The following PLXNA2 variants were observed in gnomAD, a reference collection of about 807,000 sequenced individuals.
PLXNA2 encodes the protein plexin-A2.
PLXNA2 carries 91 observed loss-of-function variants against 193.5 expected under a neutral mutation model. That is an observed-to-expected ratio of 0.47 (90% confidence interval 0.40 to 0.56). The LOEUF is 0.56. Ranked by LOEUF, PLXNA2 falls within the 20% of genes least tolerant of loss-of-function variation. The pLI is 0.00. For missense variants in PLXNA2, 1,995 were observed against 2,503.2 expected, an observed-to-expected ratio of 0.80 and a Z score of 4.33; for synonymous variants, 997 against 1,027.3, an observed-to-expected ratio of 0.97 and a Z score of 0.56.
In PLXNA2 at chr1:208,046,096, T is replaced by C. The variant is rs780038474; in HGVS notation, c.3277A>G (p.Thr1093Ala). The C allele has an allele frequency of 1.9e-6, 3 of 1,614,096 alleles. No individual in the cohort carries two copies. Among genetic ancestry groups the C allele is most frequent in the South Asian group, 1.1e-5 (1 of 91,066 alleles). ...SVNVCKVVNT[T>A]TLTCLAPSLT... Reference sequence around the variant, plus strand: ...GAGGGTGCCAGGCAGGTGAGGGTGGTTGTGTTCACAACTTTACACACCTAA... The same window carrying C: ...GAGGGTGCCAGGCAGGTGAGGGTGGCTGTGTTCACAACTTTACACACCTAA... The change falls in exon 18 of 32, where the codon ACC becomes GCC. Residue 1093 changes from threonine to alanine, a missense_variant. Coordinates refer to ENST00000367033, the MANE Select transcript of PLXNA2 (RefSeq NM_025179.4).
chr1:208,030,866 G>A (rs1664481431), intron 29 of PLXNA2: 1 of 985,286 alleles, frequency 1.0e-6, no homozygotes, highest in African/African-American at 1.7e-5. Flanking sequence ...CCTTAGCTTG[G>A]TCTGTGGTCC....
Position 208,046,640 on chromosome 1 carries a change from G to T in PLXNA2, c.3256-523C>A, listed in dbSNP as rs1007443930. Among the ~76,000 whole-genome samples, 157 of 150,692 alleles carry T rather than the reference G, an allele frequency of 1.0e-3. 2 individuals carry two copies. Among genetic ancestry groups the T allele is most frequent in the Non-Finnish European group, 1.5e-4 (10 of 67,774 alleles). On this transcript the variant is annotated intron_variant, in intron 17 of 31. Transcript: ENST00000367033. ...GACTCATGGAAGTTTTCCCATGGAA[G>T]AAATGAATGAAATTTAATCTGAAGA...
intron 13 of PLXNA2, among the ~76,000 whole-genome samples, chr1:208,060,002 C>A (rs1316141537): frequency 6.6e-6 from 1 of 152,130 alleles, no homozygotes; most frequent in Non-Finnish European, 1.5e-5. Flanking sequence ...AATGGTTTGA[C>A]CCAACTTCCC....
At chr1:208,046,614 T>C (rs1011974802) in intron 17 of PLXNA2, among the ~76,000 whole-genome samples, 12 of 139,936 alleles carry the variant, frequency 8.6e-5, no homozygotes, top group Non-Finnish European at 1.5e-4. Flanking sequence ...AGGGTAGGAG[T>C]GACTCATGGA....
Position 208,043,157 on chromosome 1 carries a change from C to T in PLXNA2, c.3921G>A (p.Leu1307=), listed in dbSNP as rs1454474368. 1 of 1,614,162 alleles carries T rather than the reference C, an allele frequency of 6.2e-7. No individual in the cohort carries two copies. Among genetic ancestry groups the T allele is most frequent in the Non-Finnish European group, 8.5e-7 (1 of 1,180,020 alleles). Residue 1307 remains leucine (L), a synonymous_variant, in exon 21 of 32, where the codon CTG becomes CTA. Coordinates refer to ENST00000367033, the MANE Select transcript of PLXNA2 (RefSeq NM_025179.4). The stretch of plus-strand genomic sequence containing the variant: ...CCAGGTAAGGGATTCCTGAGCGGTC[C>T]AGGTCACTGGTCAACTCATTGATAT... ...QTDINELTSD[L]DRSGIPYLDY...
intron 4 of PLXNA2, 58 bp from the exon 5 acceptor site, chr1:208,103,305 G>C: frequency 7.7e-7 from 1 of 1,306,828 alleles, no homozygotes; most frequent in Non-Finnish European, 1.1e-6. Context: ...TAGCAGGTGT[G>C]TGTCACACAG....
intron 17 of PLXNA2, 53 bp downstream of exon 17, chr1:208,050,956 A>G: frequency 1.5e-6 from 2 of 1,338,300 alleles, no homozygotes; most frequent in Admixed American, 1.7e-5. Flanking sequence ...ATTGCAAAAC[A>G]TCAACACAGA....
rs150598663 is a variant in PLXNA2 at position 208,119,539 on chromosome 1, C to A, written c.1507-16292G>T. 2.0e-5 allele frequency among the ~76,000 whole-genome samples: 3 copies of A among 152,336 alleles called. No homozygotes were observed. The East Asian group carries it at 5.8e-4, about 29-fold the overall frequency. ...TAGGGCCACTTCTTCCTCTTCCTGT[C>A]CAGCACTTTATGTCATCACAGAAAG... On this transcript the variant is annotated intron_variant, in intron 4 of 31. Transcript: ENST00000367033.
At chr1:208,049,782 T>C (rs1665196141) in intron 17 of PLXNA2, among the ~76,000 whole-genome samples, 4 of 152,220 alleles carry the variant, frequency 2.6e-5, no homozygotes, top group Admixed American at 1.3e-4. Context: ...CTCTGTCATT[T>C]TGTGTATCTC....
intron 12 of PLXNA2, among the ~76,000 whole-genome samples, chr1:208,077,067 G>A (rs1235074518): frequency 6.6e-6 from 1 of 152,124 alleles, no homozygotes; most frequent in Non-Finnish European, 1.5e-5. Context: ...ATATTGAAAT[G>A]AAAATAATGA....
intron 4 of PLXNA2, among the ~76,000 whole-genome samples, chr1:208,113,546 CTT>C (rs397695261): frequency 8.5e-5 from 9 of 105,712 alleles, no homozygotes; most frequent in Admixed American, 1.2e-4. Flanking sequence ...CTCTCTCTCT[CTT>C]TTTTTTTTTT....
intron 1 of PLXNA2, among the ~76,000 whole-genome samples, chr1:208,237,281 T>A (rs72741264): frequency 0.036 from 5,461 of 152,264 alleles, 128 homozygotes; most frequent in Non-Finnish European, 0.053. Flanking sequence ...AAAATCCAAA[T>A]CTTCCCTCTC....
intron 1 of PLXNA2, among the ~76,000 whole-genome samples, chr1:208,234,301 T>G (rs1671783052): frequency 6.6e-6 from 1 of 152,152 alleles, no homozygotes; most frequent in South Asian, 2.1e-4. Flanking sequence ...ATTTCCCAAG[T>G]ATTCTACACC....
chr1:208,066,466 G>T (rs912892141), intron 12 of PLXNA2, among the ~76,000 whole-genome samples: 2 of 152,208 alleles, frequency 1.3e-5, no homozygotes, highest in African/African-American at 4.8e-5. Context: ...TACGACGATG[G>T]TTCTTTAAGA....
In PLXNA2 at chr1:208,051,368, G is replaced by A; in HGVS notation, c.3049C>T (p.Pro1017Ser). ...TCGACACTCACAGAAACAGGGACCG[G>A]GCCAAGGCCATTGGATGATGGGGGT... ...VSPPSSNGLG[P>S]VPVSVSVDRA... Residue 1017 changes from proline (P) to serine (S), a missense_variant, in exon 16 of 32, where the codon CCG becomes TCG. Pro to Ser is a moderately conservative substitution (Grantham distance 74). Around this residue, in one of 3 missense-constraint regions of PLXNA2, gnomAD observed 1,291 missense variants for 1,673.6 expected, o/e 0.77. Transcript: ENST00000367033. 6.2e-7 allele frequency: 1 copy of A among 1,612,880 alleles called. No homozygotes were observed. Among genetic ancestry groups the A allele is most frequent in the Non-Finnish European group, 8.5e-7 (1 of 1,179,728 alleles).
chr1:208,055,894 G>A (rs1177658605), intron 13 of PLXNA2, among the ~76,000 whole-genome samples: 1 of 152,032 alleles, frequency 6.6e-6, no homozygotes, highest in South Asian at 2.1e-4. Flanking sequence ...GTCTTATTAC[G>A]TTTTAGCATA....
rs1665014486 is a variant in PLXNA2, at chr1:208,045,099, G to A, written c.3607C>T (p.Pro1203Ser). 1 of 1,614,032 alleles carries A rather than the reference G, an allele frequency of 6.2e-7. No individual in the cohort carries two copies. The highest frequency in any genetic ancestry group is 1.7e-5 in the Admixed American group (1 of 60,006). ...TVSETQLLCE[P>S]PNLTGQHKVM... Reference sequence around the variant, plus strand: ...TTGTGCTGCCCGGTGAGGTTGGGAGGCTCGCAGAGAAGCTGGGTCTCAGAT... The same window carrying A: ...TTGTGCTGCCCGGTGAGGTTGGGAGACTCGCAGAGAAGCTGGGTCTCAGAT... Residue 1203 changes from proline (P) to serine (S), a missense_variant, in exon 19 of 32, where the codon CCT becomes TCT. Physicochemically the swap from Pro to Ser is moderately conservative, Grantham distance 74. Coordinates refer to ENST00000367033, the MANE Select transcript of PLXNA2 (RefSeq NM_025179.4).
At chr1:208,175,662 G>A (rs903864275) in intron 3 of PLXNA2, among the ~76,000 whole-genome samples, 2 of 152,246 alleles carry the variant, frequency 1.3e-5, no homozygotes, top group Admixed American at 6.5e-5. Flanking sequence ...GGAGTCCTGG[G>A]GCCAGCTGTC....
At chr1:208,159,554 C>G (rs1261184294) in intron 3 of PLXNA2, among the ~76,000 whole-genome samples, 5 of 152,242 alleles carry the variant, frequency 3.3e-5, no homozygotes, top group Non-Finnish European at 5.9e-5. Flanking sequence ...TCAGAGGAGA[C>G]TGGGGACACC....
Sources: allele counts gnomAD v4.1 joint callset (sites outside exome capture counted in the v4.1 genomes callset), GRCh38; gene constraint gnomAD v4.1.1; regional missense constraint gnomAD v4.1.1; transcripts MANE v1.5; gene names NCBI Gene and HGNC (gene_info 2026-07-23, HGNC 2026-07-21).